Variants in RNF216 observed in about 807,000 individuals in gnomAD.
RNF216 encodes the protein E3 ubiquitin-protein ligase RNF216.
RNF216 carries 72 observed loss-of-function variants against 110.8 expected under a neutral mutation model. That is an observed-to-expected ratio of 0.65 (90% CI 0.54 to 0.79). The LOEUF is 0.79. Among genes scored for constraint, RNF216 ranks in the 30% least tolerant of loss-of-function variants. The probability of loss-of-function intolerance (pLI) is 0.00; values close to 1 mark genes in which losing one functional copy is unlikely to be tolerated. For synonymous variants in RNF216, 495 were observed against 407.5 expected (o/e 1.21, Z -2.59); for missense variants, 1,342 against 1,141.2 (o/e 1.18, Z -2.54).
At chr7:5,668,837 G>A (rs865929479) in intron 13 of RNF216, among the ~76,000 whole-genome samples, 1 of 152,136 alleles carries the variant, frequency 6.6e-6, no homozygotes, top group Admixed American at 6.5e-5. Context: ...TCTAGTCACG[G>A]TGTATCTTCC....
At chr7:5,628,249 G>C (rs1786838154) in intron 15 of RNF216, among the ~76,000 whole-genome samples, 1 of 152,116 alleles carries the variant, frequency 6.6e-6, no homozygotes, top group East Asian at 1.9e-4. Flanking sequence ...TGTCTTGGGA[G>C]TCACGCCCTT....
At chr7:5,706,384 C>T (rs933528317) in intron 13 of RNF216, among the ~76,000 whole-genome samples, 2 of 152,180 alleles carry the variant, frequency 1.3e-5, no homozygotes, top group African/African-American at 4.8e-5. Flanking sequence ...TGACTCCCCA[C>T]TTTGCCTTCT....
Position 5,624,581 on chromosome 7 carries a change from T to C in RNF216, c.2383-456A>G, listed in dbSNP as rs1411953493. 6.6e-6 allele frequency among the ~76,000 whole-genome samples: 1 copy of C among 152,180 alleles called. No individual in the cohort carries two copies. The highest frequency in any genetic ancestry group is 1.9e-4 in the East Asian group (1 of 5,176). On this transcript the variant is annotated intron_variant, in intron 15 of 16. Transcript: ENST00000389902. This position sits in a 1 kb window ranked among gnomAD's most constrained non-coding sequence, Gnocchi z 4.4. ...GATGTCCTCAACTGAGATGGACAAA[T>C]GTCCAGTCGGGCCCTGCTTAGCCCC...
intron 13 of RNF216, among the ~76,000 whole-genome samples, chr7:5,688,063 C>T (rs76362175): frequency 0.014 from 2,113 of 152,260 alleles, 39 homozygotes; most frequent in African/African-American, 0.048. Flanking sequence ...CAAATGGAAC[C>T]GAAGAGGTAA....
intron 5 of RNF216, among the ~76,000 whole-genome samples, chr7:5,733,703 TAAAC>T (rs1488619532): frequency 7.2e-6 from 1 of 138,202 alleles, no homozygotes; most frequent in African/African-American, 2.6e-5. Flanking sequence ...AAGAGAGAAG[TAAAC>T]AATTCACACG....
At chr7:5,639,415 T>C (rs1403063948) in intron 15 of RNF216, among the ~76,000 whole-genome samples, 1 of 152,146 alleles carries the variant, frequency 6.6e-6, no homozygotes, top group Non-Finnish European at 1.5e-5. Flanking sequence ...TTCCTTTTTT[T>C]TTGAGAACCC....
chr7:5,746,510 G>C (rs561813616), intron 3 of RNF216, among the ~76,000 whole-genome samples: 1 of 152,292 alleles, frequency 6.6e-6, no homozygotes, highest in South Asian at 2.1e-4. Context: ...CAGGCTTTTG[G>C]AATCTGTGGG....
intron 13 of RNF216, among the ~76,000 whole-genome samples, chr7:5,683,993 C>A (rs865780642): frequency 1.3e-5 from 2 of 148,692 alleles, no homozygotes; most frequent in South Asian, 2.2e-4. Flanking sequence ...GGTCTTGTGG[C>A]GGGATGTGTG....
chr7:5,639,836 T>C (rs1187767765), intron 15 of RNF216, among the ~76,000 whole-genome samples: 1 of 151,852 alleles, frequency 6.6e-6, no homozygotes, highest in East Asian at 1.9e-4. Flanking sequence ...CTCAGCTCAC[T>C]GCAAGCTCTG....
At chr7:5,655,847 A>G (rs1788707226) in intron 13 of RNF216, among the ~76,000 whole-genome samples, 1 of 151,972 alleles carries the variant, frequency 6.6e-6, no homozygotes, top group African/African-American at 2.4e-5. Flanking sequence ...GCATATTACG[A>G]AGAAACGCTC....
At chr7:5,679,741 C>G (rs1790531914) in intron 13 of RNF216, among the ~76,000 whole-genome samples, 1 of 143,842 alleles carries the variant, frequency 7.0e-6, no homozygotes, top group Non-Finnish European at 1.6e-5. Context: ...GCAGGCACCA[C>G]TGAGAGAAGA....
rs377486255 is a variant in RNF216, at chr7:5,741,428, G to C, written c.589C>G (p.Gln197Glu). The C allele has an allele frequency of 2.4e-5, 39 of 1,614,198 alleles. No individual in the cohort carries two copies. In the African/African-American group the frequency reaches 4.3e-4, roughly 18 times the overall value. Residue 197 changes from glutamine to glutamate, a missense_variant, in exon 4 of 17, where the codon CAG becomes GAG. By Grantham distance (29) the Gln-to-Glu change is conservative. Transcript: ENST00000389902. Reference protein sequence around the residue: ...LYTESDPLETQNQSSEDSETE... With the variant: ...LYTESDPLETENQSSEDSETE... ...TCTGAGTCTTCGGATGACTGGTTCT[G>C]AGTTTCCAAAGGATCGCTTTCTGTG...
At chr7:5,770,711 G>A (rs977004145) in intron 1 of RNF216, among the ~76,000 whole-genome samples, 3 of 151,454 alleles carry the variant, frequency 2.0e-5, no homozygotes, top group African/African-American at 7.3e-5. Flanking sequence ...TACAGTAGGA[G>A]ATATTGTATT....
At chr7:5,775,642 A>G (rs1302879779) in intron 1 of RNF216, among the ~76,000 whole-genome samples, 1 of 151,670 alleles carries the variant, frequency 6.6e-6, no homozygotes, top group African/African-American at 2.4e-5. Context: ...GGCCGAGGTG[A>G]GTGGATTATT....
In RNF216 at chr7:5,655,302, C is replaced by T. The variant is rs1353941398; in HGVS notation, c.2062-2792G>A. On this transcript the variant is annotated intron_variant, in intron 13 of 16. Transcript: ENST00000389902. ...CCAGGGCGCTTCTTACTGAAGGGCC[C>T]GAGGGTCCCGGAGAACATATCTGAA... Among the ~76,000 whole-genome samples the T allele has an allele frequency of 9.2e-5, 14 of 152,152 alleles. No homozygotes were observed. In the East Asian group the frequency reaches 2.3e-3, roughly 25 times the overall value.
chr7:5,638,285 T>C (rs887221686), intron 15 of RNF216, among the ~76,000 whole-genome samples: 1 of 152,260 alleles, frequency 6.6e-6, no homozygotes, highest in Non-Finnish European at 1.5e-5. Context: ...ATATATAAAA[T>C]TTGACATATC....
intron 13 of RNF216, 50 bp from the exon 14 acceptor site, chr7:5,652,560 C>T (rs908423121): frequency 1.6e-6 from 2 of 1,219,270 alleles, no homozygotes; most frequent in African/African-American, 3.0e-5. Context: ...GTGGACACCA[C>T]AGAAGTTCCT....
rs1476655850 is a variant in RNF216 at position 5,747,750 on chromosome 7, AAAAAAAAAAAAAAAAAAAAAAAAAAGGGG to A, written c.201+5067_201+5095del. Among the ~76,000 whole-genome samples, 60 of 85,248 alleles carry A rather than the reference AAAAAAAAAAAAAAAAAAAAAAAAAAGGGG, an allele frequency of 7.0e-4. 2 individuals are homozygous for A. The East Asian group carries it at 0.019, about 27-fold the overall frequency. 55.9% of individuals were successfully genotyped at this position (85,248 alleles called of 152,430 possible). ...GGGCAACAGGAGACTCCATCTCAAA[AAAAAAAAAAAAAAAAAAAAAAAAAAGGGG>A]AAAAAAAAAGAAAAAATAAATAATA... On this transcript the variant is annotated intron_variant, in intron 3 of 16. Transcript: ENST00000389902.
intron 10 of RNF216, among the ~76,000 whole-genome samples, chr7:5,715,723 T>C (rs1793009925): frequency 7.0e-6 from 1 of 143,268 alleles, no homozygotes; most frequent in African/African-American, 2.5e-5. Flanking sequence ...ACGGATCCAA[T>C]CACCAACTCA....
Sources: gnomAD v4.1 joint callset for allele counts (sites outside exome capture counted in the v4.1 genomes callset) on GRCh38, gnomAD v4.1.1 for gene constraint, Gnocchi (gnomAD v3.1) non-coding constraint, MANE v1.5 for transcripts, NCBI Gene and HGNC (gene_info 2026-07-23, HGNC 2026-07-21) for gene names.